The following KCNU1 variants were observed in gnomAD, a reference collection of about 807,000 sequenced individuals.
KCNU1 encodes potassium calcium-activated channel subfamily U member 1, also known as potassium channel subfamily U member 1.
In KCNU1, 93 loss-of-function variants were observed where a neutral mutation model predicts 126.8. The observed-to-expected ratio is 0.73, with a 90% confidence interval of 0.62 to 0.87. The LOEUF is 0.87. Among genes scored for constraint, KCNU1 ranks in the 40% least tolerant of loss-of-function variants. The probability of loss-of-function intolerance (pLI) is 0.00; values close to 1 mark genes in which losing one functional copy is unlikely to be tolerated. For missense variants in KCNU1, 1,330 were observed against 1,367.1 expected (o/e 0.97, Z 0.43); for synonymous variants, 523 against 494.2 (o/e 1.06, Z -0.77).
chr8:36,913,369 G>C (rs1371558053), intron 22 of KCNU1, among the ~76,000 whole-genome samples: 1 of 152,106 alleles, frequency 6.6e-6, no homozygotes, highest in Non-Finnish European at 1.5e-5. Context: ...AATTGGAAAG[G>C]CAAAGAGAAA....
chr8:36,785,182 T>C (rs1217604361), intron 1 of KCNU1, among the ~76,000 whole-genome samples: 1 of 152,216 alleles, frequency 6.6e-6, no homozygotes, highest in Non-Finnish European at 1.5e-5. Context: ...GAGTTGATGT[T>C]GTTGAATAAC....
intron 24 of KCNU1, among the ~76,000 whole-genome samples, chr8:36,925,737 C>T (rs370433457): frequency 5.9e-5 from 9 of 152,114 alleles, no homozygotes; most frequent in East Asian, 1.9e-4. Context: ...GAAATACCCT[C>T]GGAGAGGAAG....
chr8:36,935,776 T>C lies in KCNU1; in HGVS notation c.3306T>C (p.Pro1102=), dbSNP rs1442605194. 6.2e-7 allele frequency: 1 copy of C among 1,613,380 alleles called. No homozygotes were observed. The highest frequency in any genetic ancestry group is 8.5e-7 in the Non-Finnish European group (1 of 1,179,574). The change falls in exon 27 of 27, where the codon CCT becomes CCC. Residue 1102 remains proline, a synonymous_variant. Transcript: ENST00000399881. ...CGAGAACTAACTCCCTCTCTTTTCC[T>C]AAGCAAATAGCATGGAATCAGAGTA... ...YQPRTNSLSF[P]KQIAWNQSRT... is the part of the protein sequence containing the mutation.
At chr8:36,894,244 T>C (rs1807092527) in intron 19 of KCNU1, among the ~76,000 whole-genome samples, 1 of 152,170 alleles carries the variant, frequency 6.6e-6, no homozygotes, top group Admixed American at 6.5e-5. Context: ...TATATGTTGA[T>C]ATTATCAAAC....
Position 36,889,635 on chromosome 8 carries a change from G to A in KCNU1, c.2010-16073G>A, listed in dbSNP as rs189880399. Among the ~76,000 whole-genome samples, 6 of 152,134 alleles carry A rather than the reference G, an allele frequency of 3.9e-5. No individual in the cohort carries two copies. In the East Asian group the frequency reaches 1.2e-3, roughly 29 times the overall value. On this transcript the variant is annotated intron_variant, in intron 19 of 26. Coordinates refer to ENST00000399881, the MANE Select transcript of KCNU1 (RefSeq NM_001031836.3). ...TAAGAACAATATCAAAAGAAAGTGG[G>A]ACAAATTTAAAATGTGAATATATGC...
At chr8:36,880,094 C>A (rs1347884384) in intron 19 of KCNU1, among the ~76,000 whole-genome samples, 1 of 152,146 alleles carries the variant, frequency 6.6e-6, no homozygotes, top group Non-Finnish European at 1.5e-5. Context: ...GAAAGATTTG[C>A]ATTTTGGCTG....
intron 19 of KCNU1, among the ~76,000 whole-genome samples, chr8:36,895,819 A>G (rs1282679557): frequency 2.0e-5 from 3 of 152,104 alleles, no homozygotes; most frequent in Admixed American, 2.0e-4. Context: ...TTTCATTGCA[A>G]GTGATTAATC....
intron 10 of KCNU1, among the ~76,000 whole-genome samples, chr8:36,829,987 T>G (rs1167216715): frequency 1.3e-5 from 2 of 150,130 alleles, no homozygotes; most frequent in Non-Finnish European, 3.0e-5. Flanking sequence ...TTTTTTTCTG[T>G]AGTAATATTA....
rs1806738806 is a variant in KCNU1 at position 36,887,172 on chromosome 8, G to A, written c.2010-18536G>A. 2.6e-5 allele frequency among the ~76,000 whole-genome samples: 4 copies of A among 152,134 alleles called. No homozygotes were observed. The South Asian group carries it at 8.3e-4, about 32-fold the overall frequency. ...CCTTTGGGTAGATACCCAGCAGTGG[G>A]ATTGCTGAATTGAATGGTAGATCTG... On this transcript the variant is annotated intron_variant, in intron 19 of 26. Coordinates refer to ENST00000399881, the MANE Select transcript of KCNU1 (RefSeq NM_001031836.3).
chr8:36,885,902 G>A (rs1314107110), intron 19 of KCNU1, among the ~76,000 whole-genome samples: 1 of 152,150 alleles, frequency 6.6e-6, no homozygotes, highest in Non-Finnish European at 1.5e-5. Flanking sequence ...CTGAGGGAAT[G>A]GCATGTCTCC....
chr8:36,809,121 A>G (rs1034330129), intron 7 of KCNU1, among the ~76,000 whole-genome samples: 1 of 152,122 alleles, frequency 6.6e-6, no homozygotes, highest in African/African-American at 2.4e-5. Context: ...TAAAAAGTGA[A>G]GGAAATGAAG....
chr8:36,899,970 T>A (rs2117483058), intron 19 of KCNU1, among the ~76,000 whole-genome samples: 1 of 152,248 alleles, frequency 6.6e-6, no homozygotes, highest in South Asian at 2.1e-4. Context: ...AGACAGTGTG[T>A]TTATTTTCCT....
At chr8:36,801,479 T>TG (rs1803303888) in intron 2 of KCNU1, among the ~76,000 whole-genome samples, 1 of 152,016 alleles carries the variant, frequency 6.6e-6, no homozygotes, top group African/African-American at 2.4e-5. Context: ...TTCATTTCCA[T>TG]GGGTTGGGGG....
At chr8:36,905,941 C>A (rs1359275776) in intron 20 of KCNU1, 137 bp downstream of exon 20, 2 of 545,310 alleles carry the variant, frequency 3.7e-6, no homozygotes, top group African/African-American at 2.0e-5. Context: ...AAACCCACAT[C>A]CCTCACCAGC....
intron 10 of KCNU1, among the ~76,000 whole-genome samples, chr8:36,824,086 C>T (rs1362555060): frequency 6.6e-6 from 1 of 152,186 alleles, no homozygotes; most frequent in Non-Finnish European, 1.5e-5. Flanking sequence ...ATCCACCCGC[C>T]TCTACCTCCC....
chr8:36,888,615 C>T (rs753086565), intron 19 of KCNU1: 2 of 534,162 alleles, frequency 3.7e-6, no homozygotes, highest in Non-Finnish European at 7.7e-6. Context: ...ACTGATGACT[C>T]ACTCATTGGC....
intron 15 of KCNU1, 51 bp downstream of exon 15, chr8:36,840,626 A>G: frequency 9.3e-7 from 1 of 1,079,298 alleles, no homozygotes; most frequent in African/African-American, 1.5e-5. Context: ...GCATTCTTTC[A>G]ACAACGTTCA....
chr8:36,860,404 G>A (rs1001400254), intron 18 of KCNU1, among the ~76,000 whole-genome samples: 12 of 152,154 alleles, frequency 7.9e-5, no homozygotes, highest in African/African-American at 2.6e-4. Flanking sequence ...TGGGTTCACA[G>A]CATAAACACC....
intron 2 of KCNU1, among the ~76,000 whole-genome samples, chr8:36,801,015 G>A (rs191099683): frequency 6.6e-6 from 1 of 152,278 alleles, no homozygotes; most frequent in Admixed American, 6.5e-5. Context: ...CTTAAAGCAG[G>A]AGCTTAAGGG....
Sources: allele counts gnomAD v4.1 joint callset (sites outside exome capture counted in the v4.1 genomes callset), GRCh38; gene constraint gnomAD v4.1.1; transcripts MANE v1.5; gene names NCBI Gene and HGNC (gene_info 2026-07-23, HGNC 2026-07-21).